DCAF6: variants seen among roughly 807,000 people sequenced by gnomAD.
DCAF6 encodes DDB1 and CUL4 associated factor 6.
In DCAF6, 54 loss-of-function variants were observed where a neutral mutation model predicts 125.1. The observed-to-expected ratio is 0.43, with a 90% CI of 0.35 to 0.54. The LOEUF (loss-of-function observed/expected upper bound fraction) is 0.54, where lower values mean the gene tolerates loss of function less well. Among genes scored for constraint, DCAF6 ranks in the 20% least tolerant of loss-of-function variants. DCAF6 has a pLI of 0.01. For missense variants in DCAF6, 934 were observed against 1,161.7 expected, an observed-to-expected ratio of 0.80 and a Z score of 2.85; for synonymous variants, 371 against 390.4, an observed-to-expected ratio of 0.95 and a Z score of 0.58.
At chr1:168,039,717 GATC>G (rs1226098061) in intron 13 of DCAF6, among the ~76,000 whole-genome samples, 5 of 146,774 alleles carry the variant, frequency 3.4e-5, no homozygotes, top group Non-Finnish European at 6.0e-5. Flanking sequence ...ATTAATATAT[GATC>G]ATGTTATCTG....
At chr1:168,000,743 C>G (rs1439082386) in intron 7 of DCAF6, among the ~76,000 whole-genome samples, 1 of 151,822 alleles carries the variant, frequency 6.6e-6, no homozygotes, top group African/African-American at 2.4e-5. Context: ...AAACCAAACA[C>G]GAAAGGCCAT....
intron 1 of DCAF6, among the ~76,000 whole-genome samples, chr1:167,950,953 A>G (rs1571622929): frequency 1.3e-5 from 2 of 152,194 alleles, no homozygotes; most frequent in East Asian, 3.8e-4. Flanking sequence ...GAAATTGAGA[A>G]ATGCTTAAAA....
At chr1:167,968,193 A>C (rs1247838523) in intron 3 of DCAF6, among the ~76,000 whole-genome samples, 1 of 152,216 alleles carries the variant, frequency 6.6e-6, no homozygotes, top group African/African-American at 2.4e-5. Context: ...CAATAGGGAA[A>C]GTGTAATAAA....
intron 21 of DCAF6, among the ~76,000 whole-genome samples, chr1:168,070,979 C>T (rs1692947258): frequency 6.6e-6 from 1 of 152,178 alleles, no homozygotes; most frequent in South Asian, 2.1e-4. Flanking sequence ...ATTTCTCTGT[C>T]ATGGGTTTGC....
the DCAF6 span, chr1:167,920,678 T>C: frequency 2.6e-6 from 4 of 1,552,054 alleles, no homozygotes; most frequent in Non-Finnish European, 3.5e-6. Context: ...AAATGTGGAG[T>C]AATAGTTTTA....
At chr1:167,973,190 T>G (rs1276965452) in intron 3 of DCAF6, among the ~76,000 whole-genome samples, 1 of 152,252 alleles carries the variant, frequency 6.6e-6, no homozygotes, top group Non-Finnish European at 1.5e-5. Context: ...CATTGACATG[T>G]CAGGCTAGTT....
At chr1:167,932,808 C>CAAAAAAAAAA (rs965449372), upstream of DCAF6, among the ~76,000 whole-genome samples, 14 of 54,466 alleles carry the variant, frequency 2.6e-4, no homozygotes, top group Non-Finnish European at 4.7e-4. Flanking sequence ...GACTCTGTCT[C>CAAAAAAAAAA]AAAAAAAAAA....
rs189169824 is a variant in DCAF6 at position 167,999,233 on chromosome 1, A to G, written c.904-3249A>G. Among the ~76,000 whole-genome samples, 5 of 152,292 alleles carry G rather than the reference A, an allele frequency of 3.3e-5. No individual in the cohort carries two copies. The East Asian group carries it at 5.8e-4, about 18-fold the overall frequency. ...CAGTAGGTCTCAATAGTGGGCTTCA[A>G]ATAGTCAGTAAAACATGCTGTAAAG... On this transcript the variant is annotated intron_variant, in intron 7 of 21. Transcript: ENST00000367840.
At chr1:167,991,891 G>C (rs2103011677) in intron 6 of DCAF6, among the ~76,000 whole-genome samples, 1 of 152,186 alleles carries the variant, frequency 6.6e-6, no homozygotes, top group Non-Finnish European at 1.5e-5. Flanking sequence ...GGTGGGCCCT[G>C]GATTAGGTGG....
At chr1:168,005,310 A>C (rs1683193679) in intron 10 of DCAF6, among the ~76,000 whole-genome samples, 1 of 152,108 alleles carries the variant, frequency 6.6e-6, no homozygotes, top group Non-Finnish European at 1.5e-5. Flanking sequence ...ATTTACATGA[A>C]AAAGAATTAT....
the DCAF6 span, among the ~76,000 whole-genome samples, chr1:167,908,833 T>A: frequency 6.6e-6 from 1 of 152,236 alleles, no homozygotes; most frequent in East Asian, 1.9e-4. Flanking sequence ...TTAGAGTTTT[T>A]AACAAAATCA....
chr1:167,996,035 A>G (rs1681635831), intron 7 of DCAF6, among the ~76,000 whole-genome samples: 1 of 152,236 alleles, frequency 6.6e-6, no homozygotes, highest in African/African-American at 2.4e-5. Context: ...GTAGGGAATA[A>G]TTAATCTTGA....
At chr1:167,911,525 C>A in the DCAF6 span, among the ~76,000 whole-genome samples, 2 of 152,208 alleles carry the variant, frequency 1.3e-5, no homozygotes, top group Non-Finnish European at 2.9e-5. Context: ...TTCTCCTCTA[C>A]CTTTGCCTCT....
Position 168,045,183 on chromosome 1 carries a change from A to C in DCAF6, c.2214A>C (p.Pro738=). The change falls in exon 16 of 22, where the codon CCA becomes CCC. Residue 738 remains proline, a synonymous_variant. Transcript: ENST00000367840. ...LQDTDDSDDD[P]VLIPGARYRA... is the part of the protein sequence containing the mutation. ...ACACAGATGACAGTGATGATGACCC[A>C]GTCCTGATCCCAGGTGCAAGGTATC... 1 of 1,613,668 alleles carries C rather than the reference A, an allele frequency of 6.2e-7. No homozygotes were observed. The highest frequency in any genetic ancestry group is 8.5e-7 in the Non-Finnish European group (1 of 1,179,832).
the DCAF6 span, among the ~76,000 whole-genome samples, chr1:167,891,976 C>CT: frequency 0.079 from 11,001 of 139,982 alleles, 975 homozygotes; most frequent in African/African-American, 0.22. Context: ...TTTTTCTTTT[C>CT]TTTTTTTTTT....
At chr1:167,892,229 C>T in the DCAF6 span, among the ~76,000 whole-genome samples, 2 of 152,268 alleles carry the variant, frequency 1.3e-5, no homozygotes, top group South Asian at 2.1e-4. Context: ...GTCTGGGCTT[C>T]CCAAAGTGCT....
intron 7 of DCAF6, 48 bp downstream of exon 7, chr1:167,993,488 G>A (rs764840250): frequency 3.3e-6 from 5 of 1,519,888 alleles, no homozygotes; most frequent in Admixed American, 1.7e-5. Context: ...GGTGGCTCAC[G>A]CCTGTAATCC....
At chr1:167,890,267 G>A in the DCAF6 span, among the ~76,000 whole-genome samples, 1 of 152,174 alleles carries the variant, frequency 6.6e-6, no homozygotes, top group Admixed American at 6.5e-5. Context: ...ATATTACAGA[G>A]CACCGCAAGT....
intron 2 of DCAF6, among the ~76,000 whole-genome samples, chr1:167,958,428 CTT>C (rs1409660566): frequency 1.3e-5 from 2 of 151,118 alleles, no homozygotes; most frequent in East Asian, 1.9e-4. Flanking sequence ...TCTTGGATCT[CTT>C]GTCAAAAAAT....
Sources: gnomAD v4.1 joint callset for allele counts (sites outside exome capture counted in the v4.1 genomes callset) on GRCh38, gnomAD v4.1.1 for gene constraint, MANE v1.5 for transcripts, NCBI Gene and HGNC (gene_info 2026-07-23, HGNC 2026-07-21) for gene names.